The following EEPD1 variants were observed in gnomAD, a reference collection of about 807,000 sequenced individuals.
The protein encoded by EEPD1 is endonuclease/exonuclease/phosphatase family domain containing 1, also known as endonuclease/exonuclease/phosphatase family domain-containing protein 1.
In EEPD1, 17 loss-of-function variants were observed where a neutral mutation model predicts 46.3. The observed-to-expected ratio is 0.37, with a 90% CI of 0.25 to 0.55. The LOEUF (loss-of-function observed/expected upper bound fraction) is 0.55. Among genes scored for constraint, EEPD1 ranks in the 20% least tolerant of loss-of-function variants. The probability of loss-of-function intolerance (pLI) is 0.83; values close to 1 mark genes in which losing one functional copy is unlikely to be tolerated. For synonymous variants in EEPD1, 313 were observed against 315.6 expected (o/e 0.99, Z 0.09); for missense variants, 673 against 745.6 (o/e 0.90, Z 1.13).
chr7:36,154,321 G>A lies in EEPD1; in HGVS notation c.-4G>A. 6.2e-7 allele frequency: 1 copy of A among 1,605,542 alleles called. No individual in the cohort carries two copies. The highest frequency in any genetic ancestry group is 8.5e-7 in the Non-Finnish European group (1 of 1,178,446). ...CCTTCCCGGGAGCCTGATCCTGGCG[G>A]ACCATGGGGAGCACCCTGGGCTGCC... On this transcript the variant is annotated 5_prime_UTR_variant, in exon 2 of 8. Transcript: ENST00000242108. The surrounding 1 kb of genome is among the most constrained non-coding windows in gnomAD (Gnocchi z 4.2).
At chr7:36,165,411 C>CTTTTTTTTTTTTTT (rs56236165) in intron 2 of EEPD1, among the ~76,000 whole-genome samples, 4 of 62,062 alleles carry the variant, frequency 6.4e-5, no homozygotes, top group African/African-American at 2.8e-4. Context: ...GATCCATTTC[C>CTTTTTTTTTTTTTT]TTTTTTTTTT....
chr7:36,198,342 G>GAAAAAAAAAAAAAAAA (rs1361024411), intron 2 of EEPD1, among the ~76,000 whole-genome samples: 25 of 33,078 alleles, frequency 7.6e-4, no homozygotes, highest in South Asian at 1.8e-3. Context: ...AAAAAGAAAA[G>GAAAAAAAAAAAAAAAA]AAAAAAAAAA....
At chr7:36,183,875 G>A (rs1204569262) in intron 2 of EEPD1, among the ~76,000 whole-genome samples, 10 of 51,892 alleles carry the variant, frequency 1.9e-4, no homozygotes, top group Non-Finnish European at 5.8e-4. Context: ...CCTAGCCCTC[G>A]TTTTTTTTTT....
At chr7:36,197,658 G>T (rs191521499) in intron 2 of EEPD1, among the ~76,000 whole-genome samples, 2 of 152,150 alleles carry the variant, frequency 1.3e-5, no homozygotes, top group African/African-American at 4.8e-5. Flanking sequence ...TCCACTCAGG[G>T]TTAAATGGAT....
At chr7:36,293,534 C>T (rs1787480613) in intron 6 of EEPD1, among the ~76,000 whole-genome samples, 1 of 152,154 alleles carries the variant, frequency 6.6e-6, no homozygotes, top group South Asian at 2.1e-4. Context: ...ACTCCTGATG[C>T]CCCAAGGGCT....
chr7:36,237,375 A>G (rs1336192619), intron 2 of EEPD1, among the ~76,000 whole-genome samples: 1 of 152,238 alleles, frequency 6.6e-6, no homozygotes, highest in Admixed American at 6.5e-5. Context: ...GAGCTCAAGC[A>G]GTCCTCCTGC....
chr7:36,155,494 G>T (rs922063841), intron 2 of EEPD1, among the ~76,000 whole-genome samples: 1 of 152,184 alleles, frequency 6.6e-6, no homozygotes, highest in Admixed American at 6.5e-5. Context: ...TTTGGAGGAT[G>T]CTGGGTCTAC....
At chr7:36,290,305 A>G (rs1347404559) in intron 6 of EEPD1, among the ~76,000 whole-genome samples, 2 of 152,238 alleles carry the variant, frequency 1.3e-5, no homozygotes, top group East Asian at 1.9e-4. Context: ...CCAAGGTACT[A>G]TTGACCCACA....
chr7:36,230,708 C>G (rs1273668590), intron 2 of EEPD1: 1 of 152,204 alleles, frequency 6.6e-6, no homozygotes, highest in Non-Finnish European at 1.5e-5. Context: ...CCTGAGAGTG[C>G]CCATCACGCG....
At chr7:36,271,151 T>C (rs972591472) in intron 3 of EEPD1, among the ~76,000 whole-genome samples, 1 of 151,714 alleles carries the variant, frequency 6.6e-6, no homozygotes, top group African/African-American at 2.4e-5. Flanking sequence ...CACGCCCGGC[T>C]AATTTTTTGT....
chr7:36,162,604 A>G (rs1190255887), intron 2 of EEPD1, among the ~76,000 whole-genome samples: 1 of 152,210 alleles, frequency 6.6e-6, no homozygotes, highest in South Asian at 2.1e-4. Flanking sequence ...AGATTGTGCC[A>G]CTGCACTCCA....
chr7:36,196,393 ATCTCCC>A (rs1292603533), intron 2 of EEPD1, among the ~76,000 whole-genome samples: 6 of 145,932 alleles, frequency 4.1e-5, no homozygotes, highest in Non-Finnish European at 8.9e-5. Context: ...TCCCTCTCCC[ATCTCCC>A]TCTCCCTCTC....
chr7:36,263,004 T>C (rs1024185665), intron 3 of EEPD1, among the ~76,000 whole-genome samples: 2 of 152,104 alleles, frequency 1.3e-5, no homozygotes, highest in African/African-American at 4.8e-5. Flanking sequence ...AGCTACATGC[T>C]CTAACAATAG....
At chr7:36,271,796 CTCCTA>C (rs1256074852) in intron 3 of EEPD1, among the ~76,000 whole-genome samples, 31 of 148,826 alleles carry the variant, frequency 2.1e-4, no homozygotes, top group African/African-American at 7.0e-4. Context: ...GAACATAAGC[CTCCTA>C]TTCTATTCTA....
At chr7:36,268,569 G>C (rs544579387) in intron 3 of EEPD1, among the ~76,000 whole-genome samples, 2 of 152,244 alleles carry the variant, frequency 1.3e-5, no homozygotes, top group South Asian at 4.2e-4. Context: ...TTTATTTTGG[G>C]GGACTGTACC....
intron 6 of EEPD1, among the ~76,000 whole-genome samples, chr7:36,294,354 T>C (rs1478524766): frequency 6.6e-6 from 1 of 152,122 alleles, no homozygotes; most frequent in Non-Finnish European, 1.5e-5. Context: ...TACAAAAAGA[T>C]ATTTAAGATA....
intron 2 of EEPD1, among the ~76,000 whole-genome samples, chr7:36,202,655 C>T (rs892650387): frequency 1.3e-5 from 2 of 152,130 alleles, no homozygotes; most frequent in Non-Finnish European, 2.9e-5. Context: ...TCTAAGCTAA[C>T]GTTTCTTGAA....
chr7:36,286,181 A>T (rs1787339400), intron 5 of EEPD1, among the ~76,000 whole-genome samples: 1 of 152,180 alleles, frequency 6.6e-6, no homozygotes, highest in Non-Finnish European at 1.5e-5. Context: ...AATGCTGGTT[A>T]GCCCAAATCC....
Position 36,154,973 on chromosome 7 carries a change from C to A in EEPD1, c.649C>A (p.Pro217Thr). ...TNGGLTFTAK[P>T]HPSPTSLSLQ... ...CGGGGGACTGACCTTCACCGCCAAG[C>A]CTCACCCGAGCCCCACTTCCCTGAG... Residue 217 changes from proline (P) to threonine (T), a missense_variant, in exon 2 of 8, where the codon CCT (proline) becomes ACT (threonine). Pro to Thr is a conservative substitution (Grantham distance 38). Coordinates refer to ENST00000242108, the MANE Select transcript of EEPD1 (RefSeq NM_030636.3). This position sits in a 1 kb window ranked among gnomAD's most constrained non-coding sequence, Gnocchi z 4.2. 11 of 1,613,776 alleles carry A rather than the reference C, an allele frequency of 6.8e-6. No homozygotes were observed. The highest frequency in any genetic ancestry group is 9.3e-6 in the Non-Finnish European group (11 of 1,179,882).
Sources: gnomAD v4.1 joint callset for allele counts (sites outside exome capture counted in the v4.1 genomes callset) on GRCh38, gnomAD v4.1.1 for gene constraint, Gnocchi (gnomAD v3.1) non-coding constraint, MANE v1.5 for transcripts, NCBI Gene and HGNC (gene_info 2026-07-23, HGNC 2026-07-21) for gene names.